The following WNT2B variants were observed in gnomAD, a reference collection of about 807,000 sequenced individuals.
WNT2B encodes Wnt family member 2B, also known as protein Wnt-2b.
WNT2B carries 19 observed loss-of-function variants against 40.5 expected under a neutral mutation model. The ratio of observed to expected loss-of-function variants is 0.47; its 90% CI spans 0.33 to 0.69. The LOEUF (loss-of-function observed/expected upper bound fraction) is 0.69, where lower values mean the gene tolerates loss of function less well. Among genes scored for constraint, WNT2B ranks in the 30% least tolerant of loss-of-function variants. WNT2B has a pLI of 0.02. For missense variants in WNT2B, 467 were observed against 556.4 expected (o/e 0.84, Z 1.62); for synonymous variants, 220 against 211.9 (o/e 1.04, Z -0.33).
chr1:112,489,973 A>G (rs1651546714), intron 1 of WNT2B, among the ~76,000 whole-genome samples: 1 of 152,214 alleles, frequency 6.6e-6, no homozygotes, highest in Non-Finnish European at 1.5e-5. Context: ...GCTTCATGTC[A>G]GAATATCATT....
chr1:112,492,216 A>G (rs1032826585), intron 1 of WNT2B, among the ~76,000 whole-genome samples: 2 of 152,248 alleles, frequency 1.3e-5, no homozygotes, highest in African/African-American at 4.8e-5. Context: ...TCATCGCCCC[A>G]GCCTAACAAT....
intron 1 of WNT2B, among the ~76,000 whole-genome samples, chr1:112,499,391 T>A (rs1651876616): frequency 1.3e-5 from 2 of 152,120 alleles, no homozygotes; most frequent in Non-Finnish European, 2.9e-5. Flanking sequence ...TGAACACAGA[T>A]GCAAAAATCC....
chr1:112,494,027 C>T lies in WNT2B; in HGVS notation c.-94-20847C>T, dbSNP rs191654466. On this transcript the variant is annotated intron_variant, in intron 1 of 4. Transcript: ENST00000256640. ...AAGCAAAGATAAAAAGTACATCTAC[C>T]GGCCAGGCGCGGTGGCTCATGCCTG... 5.7e-3 allele frequency among the ~76,000 whole-genome samples: 870 copies of T among 152,008 alleles called. 11 individuals are homozygous for T. The highest frequency in any genetic ancestry group is 0.02 in the African/African-American group (817 of 41,438).
At chr1:112,475,376 T>C (rs1228704613) in intron 1 of WNT2B, among the ~76,000 whole-genome samples, 1 of 152,146 alleles carries the variant, frequency 6.6e-6, no homozygotes, top group African/African-American at 2.4e-5. Flanking sequence ...TACAAAGGAA[T>C]GATGAGCATC....
intron 1 of WNT2B, among the ~76,000 whole-genome samples, chr1:112,474,663 G>GTTTAAACGTT (rs1651002369): frequency 6.6e-6 from 1 of 152,188 alleles, no homozygotes; most frequent in Non-Finnish European, 1.5e-5. Context: ...TTTTTAAAAT[G>GTTTAAACGTT]TGAAACACCG....
At chr1:112,482,679 T>C (rs1252243701) in intron 1 of WNT2B, among the ~76,000 whole-genome samples, 2 of 151,714 alleles carry the variant, frequency 1.3e-5, no homozygotes, top group Non-Finnish European at 2.9e-5. Context: ...AGAAAGAAAA[T>C]TAAGGAAACA....
Position 112,509,370 on chromosome 1 carries a change from G to A in WNT2B, c.108G>A (p.Ser36=), listed in dbSNP as rs578234686. 8.1e-6 allele frequency: 13 copies of A among 1,596,000 alleles called. No homozygotes were observed. Among genetic ancestry groups the A allele is most frequent in the Admixed American group, 1.7e-5 (1 of 59,352 alleles). ...CGGCCCCCGACGGCTCCCGGGCTTC[G>A]GCCCGCCTAGGTCTTGCCTGCCTTC... The part of the protein sequence containing the change: ...SPAAPDGSRA[S]ARLGLACLLL... Residue 36 remains serine (S), a synonymous_variant, in exon 1 of 5, where the codon TCG becomes TCA. Transcript: ENST00000369684. The surrounding 1 kb of genome is among the most constrained non-coding windows in gnomAD (Gnocchi z 4.2).
At chr1:112,475,142 A>T (rs945244696) in intron 1 of WNT2B, among the ~76,000 whole-genome samples, 1 of 152,150 alleles carries the variant, frequency 6.6e-6, no homozygotes, top group African/African-American at 2.4e-5. Flanking sequence ...GCTTTCCTTG[A>T]TGTGTGAGAG....
intron 4 of WNT2B, among the ~76,000 whole-genome samples, chr1:112,517,592 C>T (rs1652621602): frequency 6.6e-6 from 1 of 152,198 alleles, no homozygotes; most frequent in African/African-American, 2.4e-5. Flanking sequence ...CACTCAGCTC[C>T]TTGAGGCCTG....
At chr1:112,484,084 G>C (rs1029809169) in intron 1 of WNT2B, among the ~76,000 whole-genome samples, 2 of 147,742 alleles carry the variant, frequency 1.4e-5, no homozygotes, top group Admixed American at 6.8e-5. Context: ...AACATAGTGA[G>C]ACTTTGTCTC....
intron 4 of WNT2B, among the ~76,000 whole-genome samples, chr1:112,519,938 A>G (rs1343628136): frequency 2.7e-5 from 4 of 146,610 alleles, no homozygotes; most frequent in Admixed American, 7.0e-5. Flanking sequence ...CAGTGGTGCA[A>G]TCTTGGCTCA....
chr1:112,494,910 T>C (rs1194462044), intron 1 of WNT2B, among the ~76,000 whole-genome samples: 1 of 151,544 alleles, frequency 6.6e-6, no homozygotes, highest in Non-Finnish European at 1.5e-5. Context: ...AAAATAAAAA[T>C]AGCAATAGTA....
chr1:112,519,813 A>T (rs1652756452), intron 4 of WNT2B, among the ~76,000 whole-genome samples: 2 of 151,412 alleles, frequency 1.3e-5, no homozygotes, highest in Admixed American at 6.6e-5. Flanking sequence ...AAATCACACA[A>T]CTAAGAGTGG....
chr1:112,517,264 G>A lies in WNT2B; in HGVS notation c.825G>A (p.Val275=). ...GACGCTATGATGGGGCTGTGCAGGT[G>A]ATGGCCACCCAAGATGGTGCCAACT... ...LRRRYDGAVQ[V]MATQDGANFT... The change falls in exon 4 of 5, where the codon GTG becomes GTA. Residue 275 remains valine (V), a synonymous_variant. Transcript: ENST00000369684. The A allele has an allele frequency of 1.2e-6, 2 of 1,614,228 alleles. No homozygotes were observed. Among genetic ancestry groups the A allele is most frequent in the Non-Finnish European group, 1.7e-6 (2 of 1,180,048 alleles).
intron 1 of WNT2B, among the ~76,000 whole-genome samples, chr1:112,488,321 AAC>A (rs572294006): frequency 2.1e-4 from 32 of 149,084 alleles, no homozygotes; most frequent in Non-Finnish European, 1.8e-4. Flanking sequence ...ACAACAACAA[AAC>A]ACACACACAC....
At chr1:112,484,555 G>A (rs1191054590) in intron 1 of WNT2B, among the ~76,000 whole-genome samples, 1 of 151,482 alleles carries the variant, frequency 6.6e-6, no homozygotes, top group East Asian at 1.9e-4. Flanking sequence ...GGGATTACAG[G>A]TGTGAGCCAC....
Position 112,526,844 on chromosome 1 carries a change from G to A in WNT2B, c.*6335G>A, listed in dbSNP as rs1429816562. 1 of 152,118 alleles carries A rather than the reference G, an allele frequency of 6.6e-6. No homozygotes were observed. Among genetic ancestry groups the A allele is most frequent in the Non-Finnish European group, 1.5e-5 (1 of 68,050 alleles). 9.4% of individuals were successfully genotyped at this position (152,118 alleles called of 1,614,324 possible). A position where few individuals can be genotyped will look rare whatever the true frequency, so the allele number is the denominator to read the frequency against. On this transcript the variant is annotated 3_prime_UTR_variant, in exon 5 of 5. Transcript: ENST00000369684. The stretch of plus-strand genomic sequence containing the variant: ...TTAGGAAAGCAAGATGAGGGAATAA[G>A]TGTCCTAAGAAACTCCCATCCCAAG...
Position 112,509,705 on chromosome 1 carries a change from C to T in WNT2B, c.182+261C>T, listed in dbSNP as rs950573824. On this transcript the variant is annotated intron_variant, in intron 1 of 4. Coordinates refer to ENST00000369684, the MANE Select transcript of WNT2B (RefSeq NM_024494.3). The surrounding 1 kb of genome is among the most constrained non-coding windows in gnomAD (Gnocchi z 4.2). ...GCTCCTTAGGCCTCCACGTGCTGTA[C>T]CCCCTCTATTTCAGCTCAAGCCCCT... 2.0e-5 allele frequency among the ~76,000 whole-genome samples: 3 copies of T among 152,190 alleles called. No individual in the cohort carries two copies. Among genetic ancestry groups the T allele is most frequent in the African/African-American group, 2.4e-5 (1 of 41,470 alleles).
intron 1 of WNT2B, among the ~76,000 whole-genome samples, chr1:112,484,953 A>G (rs1329497970): frequency 6.6e-6 from 1 of 152,218 alleles, no homozygotes; most frequent in Non-Finnish European, 1.5e-5. Context: ...TCAGAAGACA[A>G]TATGGCTATG....
Sources: gnomAD v4.1 joint callset for allele counts (sites outside exome capture counted in the v4.1 genomes callset) on GRCh38, gnomAD v4.1.1 for gene constraint, Gnocchi (gnomAD v3.1) non-coding constraint, MANE v1.5 for transcripts, NCBI Gene and HGNC (gene_info 2026-07-23, HGNC 2026-07-21) for gene names.